The following TENM3 variants were observed in gnomAD, a reference collection of about 807,000 sequenced individuals.
TENM3 encodes teneurin-3.
Under a neutral mutation model 255.1 loss-of-function variants are expected in TENM3, and 63 were observed. That is an observed-to-expected ratio of 0.25 (90% CI 0.20 to 0.30). TENM3 has a LOEUF of 0.30. TENM3 is among the 10% of genes least tolerant of loss of function. The pLI is 1.00. For synonymous variants in TENM3, 1,306 were observed against 1,322.3 expected (o/e 0.99, Z 0.27); for missense variants, 2,929 against 3,461.1 (o/e 0.85, Z 3.86).
At chr4:181,970,166 T>A in the TENM3 span, among the ~76,000 whole-genome samples, 1 of 152,218 alleles carries the variant, frequency 6.6e-6, no homozygotes, top group East Asian at 1.9e-4. Flanking sequence ...ATTCTAACTT[T>A]TATTGATTCA....
At chr4:182,318,481 TCA>T (rs1292088123) in intron 1 of TENM3, among the ~76,000 whole-genome samples, 4 of 152,168 alleles carry the variant, frequency 2.6e-5, no homozygotes, top group Non-Finnish European at 5.9e-5. Flanking sequence ...TGGCCAAGTT[TCA>T]AAATATATTT....
At chr4:182,664,644 C>A (rs1754504242) in intron 6 of TENM3, among the ~76,000 whole-genome samples, 1 of 152,056 alleles carries the variant, frequency 6.6e-6, no homozygotes, top group Non-Finnish European at 1.5e-5. Flanking sequence ...GTTGTGAGTG[C>A]AAAGGAGAAG....
the TENM3 span, among the ~76,000 whole-genome samples, chr4:181,778,544 C>T: frequency 1.3e-5 from 2 of 152,154 alleles, no homozygotes; most frequent in Admixed American, 1.3e-4. Context: ...CCTGGCATGA[C>T]TCAGTGTCTT....
rs560622681 is a variant in TENM3 at position 182,680,471 on chromosome 4, C to T, written c.1640-72C>T. On this transcript the variant is annotated intron_variant, in intron 9 of 27. Coordinates refer to ENST00000511685, the MANE Select transcript of TENM3 (RefSeq NM_001080477.4). ...GAGACTGGCATATTGCTTGTTCCAG[C>T]GATGTGTCTTTTCTTTCGGAAGCTC... 8 of 1,555,100 alleles carry T rather than the reference C, an allele frequency of 5.1e-6. No homozygotes were observed. In the African/African-American group the frequency reaches 6.8e-5, roughly 13 times the overall value.
the TENM3 span, among the ~76,000 whole-genome samples, chr4:182,044,590 G>A: frequency 6.6e-6 from 1 of 152,242 alleles, no homozygotes; most frequent in Non-Finnish European, 1.5e-5. Context: ...AGGTGGTGAA[G>A]AGGATAGAAA....
the TENM3 span, among the ~76,000 whole-genome samples, chr4:181,733,601 T>C: frequency 6.6e-6 from 1 of 152,146 alleles, no homozygotes; most frequent in African/African-American, 2.4e-5. Flanking sequence ...GCATCACTTG[T>C]TTGAATGATG....
intron 21 of TENM3, among the ~76,000 whole-genome samples, chr4:182,753,819 T>A (rs1196157020): frequency 6.6e-6 from 1 of 152,194 alleles, no homozygotes; most frequent in East Asian, 1.9e-4. Context: ...ACAGAACAAT[T>A]ATCACTAAGA....
the TENM3 span, among the ~76,000 whole-genome samples, chr4:181,800,733 T>C: frequency 7.7e-3 from 1,171 of 152,272 alleles, 10 homozygotes; most frequent in African/African-American, 0.026. Flanking sequence ...TTCTGTAAAA[T>C]GGAAATAATG....
the TENM3 span, among the ~76,000 whole-genome samples, chr4:181,979,764 C>T: frequency 2.0e-5 from 3 of 152,340 alleles, no homozygotes; most frequent in Non-Finnish European, 4.4e-5. Context: ...TCAGAGAAGT[C>T]GAGTGACTTG....
At chr4:182,206,231 G>A (rs1346840296) in intron 1 of TENM3, among the ~76,000 whole-genome samples, 1 of 152,126 alleles carries the variant, frequency 6.6e-6, no homozygotes, top group African/African-American at 2.4e-5. Flanking sequence ...CAGGTTTCCT[G>A]GCTCCTCATG....
the TENM3 span, among the ~76,000 whole-genome samples, chr4:181,719,104 G>T: frequency 6.6e-6 from 1 of 151,622 alleles, no homozygotes; most frequent in African/African-American, 2.4e-5. Flanking sequence ...TACTCGGGAG[G>T]CTGAGGCAGG....
chr4:181,877,971 G>C, the TENM3 span, among the ~76,000 whole-genome samples: 1 of 152,104 alleles, frequency 6.6e-6, no homozygotes, highest in Non-Finnish European at 1.5e-5. Flanking sequence ...TGTCATTCCT[G>C]CTAAACATGT....
chr4:181,964,232 T>G, the TENM3 span, among the ~76,000 whole-genome samples: 1 of 151,982 alleles, frequency 6.6e-6, no homozygotes. Flanking sequence ...TTTGCTCCAA[T>G]TGCACCTAGA....
chr4:182,166,061 A>AGCC (rs1172971156), intron 1 of TENM3, among the ~76,000 whole-genome samples: 1 of 152,092 alleles, frequency 6.6e-6, no homozygotes, highest in African/African-American at 2.4e-5. Flanking sequence ...TACAGGCGTG[A>AGCC]GCCACCGCAC....
chr4:181,966,586 T>C, the TENM3 span, among the ~76,000 whole-genome samples: 1 of 152,310 alleles, frequency 6.6e-6, no homozygotes, highest in African/African-American at 2.4e-5. Flanking sequence ...GCTGAAATCA[T>C]CTTATCTCCC....
the TENM3 span, among the ~76,000 whole-genome samples, chr4:181,476,815 T>C: frequency 3.3e-5 from 5 of 152,146 alleles, no homozygotes; most frequent in African/African-American, 9.7e-5. Flanking sequence ...AAAAACCTAA[T>C]ACAGAAGCCC....
the TENM3 span, among the ~76,000 whole-genome samples, chr4:181,955,551 G>A: frequency 1.3e-5 from 2 of 152,160 alleles, no homozygotes; most frequent in African/African-American, 2.4e-5. Flanking sequence ...AGCAAATCAT[G>A]GCAAGAAGGG....
Position 182,435,014 on chromosome 4 carries a change from G to A in TENM3, c.511+88085G>A, listed in dbSNP as rs186134291. ...CAGGACACAAGTTGTTCTTTTGCTG[G>A]CATCTTTGAAGTCTATAAAAATATA... On this transcript the variant is annotated intron_variant, in intron 3 of 27. Transcript: ENST00000511685. Among the ~76,000 whole-genome samples, 285 of 152,256 alleles carry A rather than the reference G, an allele frequency of 1.9e-3. 6 individuals are homozygous for A. Among genetic ancestry groups the A allele is most frequent in the Non-Finnish European group, 3.4e-4 (23 of 68,030 alleles).
intron 3 of TENM3, among the ~76,000 whole-genome samples, chr4:182,528,371 C>G (rs540924396): frequency 1.3e-5 from 2 of 152,046 alleles, no homozygotes; most frequent in Admixed American, 1.3e-4. Flanking sequence ...TTCTCTGTGG[C>G]GCAGGGGTTT....
Sources: gnomAD v4.1 joint callset for allele counts (sites outside exome capture counted in the v4.1 genomes callset) on GRCh38, gnomAD v4.1.1 for gene constraint, MANE v1.5 for transcripts, NCBI Gene and HGNC (gene_info 2026-07-23, HGNC 2026-07-21) for gene names.